The following PAM variants were observed in gnomAD, a reference collection of about 807,000 sequenced individuals.
PAM encodes the protein peptidyl-glycine alpha-amidating monooxygenase.
PAM carries 72 observed loss-of-function variants against 122.1 expected under a neutral mutation model. That is an observed-to-expected ratio of 0.59 (90% CI 0.49 to 0.72). The LOEUF (loss-of-function observed/expected upper bound fraction) is 0.72, where lower values mean the gene tolerates loss of function less well. PAM is among the 30% of genes least tolerant of loss of function. The probability of loss-of-function intolerance (pLI) is 0.00; values close to 1 mark genes in which losing one functional copy is unlikely to be tolerated. For synonymous variants in PAM, 389 were observed against 404.4 expected (o/e 0.96, Z 0.46); for missense variants, 1,106 against 1,183.7 (o/e 0.93, Z 0.96).
intron 3 of PAM, among the ~76,000 whole-genome samples, chr5:102,898,179 G>A (rs184102277): frequency 2.0e-5 from 3 of 151,506 alleles, no homozygotes; most frequent in African/African-American, 7.3e-5. Flanking sequence ...TATCCCTCTC[G>A]ATTCAGATTC....
chr5:102,755,892 C>G (rs1449470560), intron 1 of PAM, among the ~76,000 whole-genome samples: 1 of 152,070 alleles, frequency 6.6e-6, no homozygotes, highest in Non-Finnish European at 1.5e-5. Flanking sequence ...CTTTCTTTCC[C>G]GTCCTTGCCC....
intron 1 of PAM, among the ~76,000 whole-genome samples, chr5:102,800,305 C>T (rs574605192): frequency 1.3e-5 from 2 of 152,222 alleles, no homozygotes; most frequent in East Asian, 1.9e-4. Context: ...GTCATTCCCC[C>T]ATCCAGTCAG....
chr5:102,854,190 A>G (rs112584732), intron 1 of PAM, among the ~76,000 whole-genome samples: 2 of 152,340 alleles, frequency 1.3e-5, no homozygotes, highest in African/African-American at 4.8e-5. Flanking sequence ...ATGAAATTAT[A>G]CATGGAAAGT....
chr5:102,948,529 T>G, intron 9 of PAM, 84 bp downstream of exon 9: 1 of 684,666 alleles, frequency 1.5e-6, no homozygotes, highest in Non-Finnish European at 2.6e-6. Flanking sequence ...TTATAAACTT[T>G]AAAAATAATC....
At chr5:103,002,035 C>T (rs777970893) in intron 16 of PAM, among the ~76,000 whole-genome samples, 2 of 151,934 alleles carry the variant, frequency 1.3e-5, no homozygotes, top group African/African-American at 2.4e-5. Flanking sequence ...CACACACACA[C>T]ATACACACAC....
intron 23 of PAM, 42 bp from the exon 24 acceptor site, chr5:103,025,089 C>CT (rs1291351624): frequency 6.9e-7 from 1 of 1,450,724 alleles, no homozygotes; most frequent in East Asian, 2.3e-5. Context: ...GTTTTGAAAT[C>CT]TTTGAGTCAG....
intron 3 of PAM, among the ~76,000 whole-genome samples, chr5:102,885,096 A>ATATATATATATAT (rs1561760626): frequency 3.0e-5 from 4 of 132,598 alleles, no homozygotes; most frequent in African/African-American, 1.4e-4. Flanking sequence ...TATATATATA[A>ATATATATATATAT]CTATAAAAGC....
intron 16 of PAM, among the ~76,000 whole-genome samples, chr5:102,996,926 A>G (rs1342318802): frequency 6.6e-6 from 1 of 152,134 alleles, no homozygotes; most frequent in African/African-American, 2.4e-5. Flanking sequence ...ATGTTTTGTT[A>G]GCTTTGTGTC....
intron 3 of PAM, among the ~76,000 whole-genome samples, chr5:102,886,943 A>G (rs1281698046): frequency 2.0e-5 from 3 of 152,106 alleles, no homozygotes; most frequent in Non-Finnish European, 4.4e-5. Flanking sequence ...CTGTTCTTCA[A>G]TACAGGTAGG....
intron 14 of PAM, among the ~76,000 whole-genome samples, chr5:102,961,844 T>C (rs1762594464): frequency 6.6e-6 from 1 of 151,944 alleles, no homozygotes; most frequent in Non-Finnish European, 1.5e-5. Context: ...TACTAAAAAA[T>C]TACTTCCCTG....
At chr5:103,019,929 T>C (rs1783080595) in intron 23 of PAM, 86 bp downstream of exon 23, 1 of 833,826 alleles carries the variant, frequency 1.2e-6, no homozygotes, top group East Asian at 2.4e-5. Flanking sequence ...CTTAAAAAAT[T>C]ACCAGGCTAA....
At chr5:102,846,476 C>T (rs1034651769) in intron 1 of PAM, among the ~76,000 whole-genome samples, 4 of 152,122 alleles carry the variant, frequency 2.6e-5, no homozygotes, top group Non-Finnish European at 4.4e-5. Context: ...CTTTTGGATG[C>T]TTTTTCTCCA....
chr5:102,828,586 T>A (rs186890332), intron 1 of PAM, among the ~76,000 whole-genome samples: 1 of 152,242 alleles, frequency 6.6e-6, no homozygotes, highest in East Asian at 1.9e-4. Context: ...ATCTATAAAA[T>A]GGGGCTAATA....
intron 23 of PAM, among the ~76,000 whole-genome samples, chr5:103,020,444 A>G (rs1400985524): frequency 6.6e-6 from 1 of 152,176 alleles, no homozygotes; most frequent in African/African-American, 2.4e-5. Context: ...AAACACATAT[A>G]CAAATAAGTA....
At chr5:102,808,857 A>G (rs940785812) in intron 1 of PAM, among the ~76,000 whole-genome samples, 1 of 152,246 alleles carries the variant, frequency 6.6e-6, no homozygotes, top group African/African-American at 2.4e-5. Context: ...TGTAAAAATA[A>G]TGCTTCTATT....
chr5:102,962,011 T>C (rs1043655837), intron 14 of PAM, among the ~76,000 whole-genome samples: 3 of 151,934 alleles, frequency 2.0e-5, no homozygotes, highest in Non-Finnish European at 2.9e-5. Context: ...CAAATAGGAA[T>C]AGAAAGGATT....
intron 16 of PAM, among the ~76,000 whole-genome samples, chr5:102,998,321 A>C (rs1776320069): frequency 6.6e-6 from 1 of 152,214 alleles, no homozygotes; most frequent in Non-Finnish European, 1.5e-5. Flanking sequence ...GCAAGTAAAT[A>C]TATCAGGTTT....
intron 1 of PAM, chr5:102,865,621 G>A (rs533310954): frequency 6.6e-6 from 1 of 152,340 alleles, no homozygotes; most frequent in Admixed American, 6.5e-5. Flanking sequence ...ACAGAACACC[G>A]GCTCTACAGG....
In PAM at chr5:102,814,570, CATATATTGATATATACAT is replaced by C. The variant is rs1257370786; in HGVS notation, c.-373-51230_-373-51213del. On this transcript the variant is annotated intron_variant, in intron 1 of 25. Coordinates refer to ENST00000438793, the MANE Select transcript of PAM (RefSeq NM_001177306.2). ...ATATATACATATATATAGATATATA[CATATATTGATATATACAT>C]ATATATTGATATATACATATATTGA... Among the ~76,000 whole-genome samples the C allele has an allele frequency of 9.3e-5, 13 of 140,350 alleles. No individual in the cohort carries two copies. In the East Asian group the frequency reaches 1.6e-3, roughly 17 times the overall value. The allele number at this position is 140,350 out of a possible 152,430, so 92.1% of individuals were successfully genotyped here. A position where few individuals can be genotyped will look rare whatever the true frequency, so the allele number is the denominator to read the frequency against.
Sources: allele counts gnomAD v4.1 joint callset (sites outside exome capture counted in the v4.1 genomes callset), GRCh38; gene constraint gnomAD v4.1.1; transcripts MANE v1.5; gene names NCBI Gene and HGNC (gene_info 2026-07-23, HGNC 2026-07-21).